The following LAMC1 variants were observed in gnomAD, a reference collection of about 807,000 sequenced individuals.
LAMC1 encodes the protein laminin subunit gamma-1.
In LAMC1, 38 loss-of-function variants were observed where a neutral mutation model predicts 173.6. The ratio of observed to expected loss-of-function variants is 0.22; its 90% CI spans 0.17 to 0.29. LAMC1 has a LOEUF of 0.29. LAMC1 is among the 10% of genes least tolerant of loss of function. The probability of loss-of-function intolerance (pLI) is 1.00; values close to 1 mark genes in which losing one functional copy is unlikely to be tolerated. For synonymous variants in LAMC1, 746 were observed against 749.1 expected, an observed-to-expected ratio of 1.00 and a Z score of 0.07; for missense variants, 1,824 against 2,051.8, an observed-to-expected ratio of 0.89 and a Z score of 2.14.
intron 4 of LAMC1, among the ~76,000 whole-genome samples, chr1:183,111,971 G>A (rs548740082): frequency 3.3e-5 from 5 of 152,206 alleles, no homozygotes; most frequent in East Asian, 3.9e-4. Flanking sequence ...CCTGGGAGGC[G>A]GAGGTTGCAG....
At chr1:183,141,460 C>T (rs1030744692) in intron 27 of LAMC1, among the ~76,000 whole-genome samples, 6 of 152,330 alleles carry the variant, frequency 3.9e-5, no homozygotes, top group East Asian at 1.9e-4. Flanking sequence ...TCTATGCATA[C>T]GGAAACCTTC....
intron 21 of LAMC1, 55 bp from the exon 22 acceptor site, chr1:183,133,351 T>C: frequency 6.6e-7 from 1 of 1,511,328 alleles, no homozygotes; most frequent in Admixed American, 1.8e-5. Context: ...CTGGTTAACA[T>C]TAAGATGCTA....
intron 1 of LAMC1, among the ~76,000 whole-genome samples, chr1:183,058,045 T>G (rs1338576854): frequency 6.6e-6 from 1 of 152,210 alleles, no homozygotes; most frequent in African/African-American, 2.4e-5. Context: ...GTTTATGTCA[T>G]TGAGTATATT....
At chr1:183,042,992 G>A (rs1348053284) in intron 1 of LAMC1, among the ~76,000 whole-genome samples, 1 of 152,170 alleles carries the variant, frequency 6.6e-6, no homozygotes, top group African/African-American at 2.4e-5. Flanking sequence ...AAATCCAGAT[G>A]TCTTTTAGGA....
intron 27 of LAMC1, chr1:183,141,183 G>A (rs1657103828): frequency 1.3e-5 from 2 of 152,342 alleles, no homozygotes; most frequent in South Asian, 4.2e-4. Flanking sequence ...TGGGTGTGGT[G>A]CTACACGCCT....
intron 1 of LAMC1, among the ~76,000 whole-genome samples, chr1:183,035,752 T>C (rs992121415): frequency 6.6e-5 from 10 of 152,148 alleles, no homozygotes; most frequent in South Asian, 2.1e-4. Flanking sequence ...TTCTCTGGTG[T>C]GTGACTGTTG....
intron 1 of LAMC1, among the ~76,000 whole-genome samples, chr1:183,037,119 T>C (rs576393947): frequency 1.3e-5 from 2 of 152,344 alleles, no homozygotes; most frequent in African/African-American, 4.8e-5. Flanking sequence ...TTTTGGGTAC[T>C]TGAACTAGTT....
Position 183,126,189 on chromosome 1 carries a change from G to C in LAMC1, c.2871G>C (p.Gln957His), listed in dbSNP as rs201601443. 119 of 1,614,100 alleles carry C rather than the reference G, an allele frequency of 7.4e-5. No individual in the cohort carries two copies. The highest frequency in any genetic ancestry group is 9.6e-5 in the Non-Finnish European group (113 of 1,180,034). Residue 957 changes from glutamine (Q) to histidine (H), a missense_variant, in exon 16 of 28, where the codon CAG (glutamine) becomes CAC (histidine). Gln to His is a conservative substitution (Grantham distance 24). Coordinates refer to ENST00000258341, the MANE Select transcript of LAMC1 (RefSeq NM_002293.4). ...CDIRTGQCEC[Q>H]PGITGQHCER... The stretch of plus-strand genomic sequence containing the variant: ...TCCGCACCGGCCAGTGTGAGTGCCA[G>C]CCCGGCATCACTGGTCAGCACTGTG...
chr1:183,027,438 A>G (rs1378026299), intron 1 of LAMC1, among the ~76,000 whole-genome samples: 1 of 152,194 alleles, frequency 6.6e-6, no homozygotes, highest in Non-Finnish European at 1.5e-5. Flanking sequence ...GATTGTAGCT[A>G]AGGATTTGCC....
chr1:183,060,399 A>C (rs529776868), intron 1 of LAMC1, among the ~76,000 whole-genome samples: 5 of 151,934 alleles, frequency 3.3e-5, no homozygotes, highest in Non-Finnish European at 7.4e-5. Flanking sequence ...AAAAGAAAAA[A>C]AAAAAAAAAG....
intron 4 of LAMC1, among the ~76,000 whole-genome samples, chr1:183,112,175 A>C (rs1021271779): frequency 8.5e-5 from 13 of 152,202 alleles, no homozygotes; most frequent in African/African-American, 3.1e-4. Flanking sequence ...AAGATTTGCA[A>C]GTAAAATTTA....
At chr1:183,049,918 T>G (rs776311732) in intron 1 of LAMC1, among the ~76,000 whole-genome samples, 1 of 152,218 alleles carries the variant, frequency 6.6e-6, no homozygotes, top group Non-Finnish European at 1.5e-5. Context: ...TTGGGCAGCA[T>G]CAATAGTAAA....
intron 8 of LAMC1, 81 bp from the exon 9 acceptor site, chr1:183,117,239 C>A: frequency 6.8e-7 from 1 of 1,465,956 alleles, no homozygotes; most frequent in Non-Finnish European, 9.2e-7. Flanking sequence ...TGTGGTCTTA[C>A]ACATTTTTAT....
Position 183,037,627 on chromosome 1 carries a change from C to T in LAMC1, c.418+13493C>T, listed in dbSNP as rs539997850. ...TGTCTGTGTATGTGAATTTGCAAAT[C>T]TGTAAGTCTCTCTTTACCTCTTCCT... On this transcript the variant is annotated intron_variant, in intron 1 of 27. Transcript: ENST00000258341. Among the ~76,000 whole-genome samples the T allele has an allele frequency of 8.7e-4, 132 of 152,298 alleles. 1 individual carries two copies. The Middle Eastern group carries it at 0.024, about 27-fold the overall frequency.
At position 183,023,457 on chromosome 1, in the gene LAMC1, G is replaced by C. The variant is rs1481763957; in HGVS notation, c.-260G>C. 2.1e-5 allele frequency: 4 copies of C among 190,696 alleles called. No individual in the cohort carries two copies. The highest frequency in any genetic ancestry group is 4.7e-5 in the African/African-American group (2 of 42,162). 11.8% of individuals were successfully genotyped at this position (190,696 alleles called of 1,614,324 possible). A position where few individuals can be genotyped will look rare whatever the true frequency, so the allele number is the denominator to read the frequency against. The stretch of plus-strand genomic sequence containing the variant: ...GCGCTCGGAAGTCGGGGGTCGGCGC[G>C]GAGTGCAGGCTGCTCCCGGGGTAGG... On this transcript the variant is annotated 5_prime_UTR_variant, in exon 1 of 28. Coordinates refer to ENST00000258341, the MANE Select transcript of LAMC1 (RefSeq NM_002293.4).
At chr1:183,131,061 C>A (rs1266066224) in intron 19 of LAMC1, among the ~76,000 whole-genome samples, 1 of 150,812 alleles carries the variant, frequency 6.6e-6, no homozygotes, top group Non-Finnish European at 1.5e-5. Flanking sequence ...GTAATCCCGG[C>A]TACTTGGGAG....
intron 1 of LAMC1, among the ~76,000 whole-genome samples, chr1:183,090,785 A>G (rs1655545586): frequency 6.6e-6 from 1 of 152,032 alleles, no homozygotes; most frequent in South Asian, 2.1e-4. Flanking sequence ...CTTCACTGCA[A>G]CTGCTGCTTA....
chr1:183,041,116 G>T (rs577447791), intron 1 of LAMC1, among the ~76,000 whole-genome samples: 1 of 152,286 alleles, frequency 6.6e-6, no homozygotes, highest in East Asian at 1.9e-4. Flanking sequence ...AGTCAAAGAA[G>T]GGGGAGCTCT....
At chr1:183,093,481 C>T (rs144136446) in intron 1 of LAMC1, among the ~76,000 whole-genome samples, 187 of 152,240 alleles carry the variant, frequency 1.2e-3, no homozygotes, top group African/African-American at 4.5e-3. Flanking sequence ...TCCCCATTTC[C>T]CCCATTGCTA....
Sources: gnomAD v4.1 joint callset for allele counts (sites outside exome capture counted in the v4.1 genomes callset) on GRCh38, gnomAD v4.1.1 for gene constraint, MANE v1.5 for transcripts, NCBI Gene and HGNC (gene_info 2026-07-23, HGNC 2026-07-21) for gene names.